Variants in TRPC4 observed in about 807,000 individuals in gnomAD.
TRPC4 encodes transient receptor potential cation channel subfamily C member 4, also known as short transient receptor potential channel 4.
TRPC4 carries 49 observed loss-of-function variants against 99.4 expected under a neutral mutation model. That is an observed-to-expected ratio of 0.49 (90% CI 0.39 to 0.63). TRPC4 has a LOEUF of 0.63. Ranked by LOEUF, TRPC4 falls within the 20% of genes least tolerant of loss-of-function variation. The probability of loss-of-function intolerance (pLI) is 0.00; values close to 1 mark genes in which losing one functional copy is unlikely to be tolerated. For missense variants in TRPC4, 898 were observed against 1,152.9 expected (o/e 0.78, Z 3.20); for synonymous variants, 454 against 425.9 (o/e 1.07, Z -0.81).
chr13:37,778,586 T>A (rs1956765711), intron 2 of TRPC4, among the ~76,000 whole-genome samples: 1 of 152,012 alleles, frequency 6.6e-6, no homozygotes, highest in African/African-American at 2.4e-5. Context: ...AGGTGATTGA[T>A]TAGGTTGATC....
intron 1 of TRPC4, among the ~76,000 whole-genome samples, chr13:37,817,917 CA>C (rs977675926): frequency 6.6e-6 from 1 of 151,614 alleles, no homozygotes; most frequent in African/African-American, 2.4e-5. Context: ...ATGTAATAAT[CA>C]AAACTGTAAA....
At chr13:37,643,352 C>A (rs564561594) in intron 8 of TRPC4, among the ~76,000 whole-genome samples, 14 of 152,186 alleles carry the variant, frequency 9.2e-5, no homozygotes, top group Admixed American at 7.2e-4. Context: ...AGGTGGATTG[C>A]CAAGATCATG....
intron 2 of TRPC4, 21 bp from the exon 3 acceptor site, chr13:37,746,476 G>C: frequency 6.4e-7 from 1 of 1,570,072 alleles, no homozygotes; most frequent in Non-Finnish European, 8.6e-7. Flanking sequence ...AAAAGGCAGA[G>C]GTGATGAATA....
chr13:37,832,913 T>G (rs1417048111), intron 1 of TRPC4, among the ~76,000 whole-genome samples: 1 of 152,192 alleles, frequency 6.6e-6, no homozygotes, highest in Non-Finnish European at 1.5e-5. Flanking sequence ...TGCTAAACTA[T>G]TTTCATGTTA....
At position 37,783,166 on chromosome 13, in the gene TRPC4, T is replaced by A. The variant is rs746976893; in HGVS notation, c.168A>T (p.Glu56Asp). The change falls in exon 2 of 11, where the codon GAA becomes GAT. Residue 56 changes from glutamate to aspartate, a missense_variant. Physicochemically the swap from Glu to Asp is conservative, Grantham distance 45. Coordinates refer to ENST00000379705, the MANE Select transcript of TRPC4 (RefSeq NM_016179.4). The stretch of plus-strand genomic sequence containing the variant: ...AATTAATATTGATTTTAAAATAAAT[T>A]TCAGCTTCCTCTAGGGATTTCTTGA... ...ASVKKSLEEA[E>D]IYFKININCI... 3 of 1,613,606 alleles carry A rather than the reference T, an allele frequency of 1.9e-6. No individual in the cohort carries two copies. The South Asian group carries it at 3.3e-5, about 18-fold the overall frequency.
intron 4 of TRPC4, among the ~76,000 whole-genome samples, chr13:37,690,298 G>C (rs982559913): frequency 1.3e-5 from 2 of 152,104 alleles, no homozygotes; most frequent in African/African-American, 4.8e-5. Context: ...GATTATGTGA[G>C]CCTTTTTAAT....
intron 2 of TRPC4, among the ~76,000 whole-genome samples, chr13:37,780,911 A>T (rs1182531508): frequency 6.6e-5 from 10 of 152,122 alleles, no homozygotes; most frequent in Admixed American, 6.6e-4. Flanking sequence ...ATTCTTGGCC[A>T]GCAGACTGAT....
intron 1 of TRPC4, among the ~76,000 whole-genome samples, chr13:37,791,413 A>G (rs1957115764): frequency 6.6e-6 from 1 of 151,804 alleles, no homozygotes; most frequent in South Asian, 2.1e-4. Flanking sequence ...AAAAAAAAAA[A>G]AAAAAGGATA....
intron 3 of TRPC4, among the ~76,000 whole-genome samples, chr13:37,694,541 T>G (rs1018302686): frequency 6.6e-6 from 1 of 152,182 alleles, no homozygotes; most frequent in African/African-American, 2.4e-5. Flanking sequence ...ACATATATAC[T>G]CTGTAAAATT....
At position 37,688,600 on chromosome 13, in the gene TRPC4, G is replaced by A. The variant is rs1566097456; in HGVS notation, c.1234+3399C>T. 3.3e-5 allele frequency among the ~76,000 whole-genome samples: 5 copies of A among 152,286 alleles called. 1 individual carries two copies. In the South Asian group the frequency reaches 1.0e-3, roughly 32 times the overall value. On this transcript the variant is annotated intron_variant, in intron 4 of 10. Transcript: ENST00000379705. ...AAGTGTTTTGCTAGGATAAACAAAT[G>A]AGAGGTATAAAGTGATCATTTCTCA...
At chr13:37,794,890 T>G (rs768895166) in intron 1 of TRPC4, among the ~76,000 whole-genome samples, 11 of 152,134 alleles carry the variant, frequency 7.2e-5, no homozygotes, top group Admixed American at 5.9e-4. Context: ...ACTGTTCAGA[T>G]AAACACAATT....
chr13:37,826,044 T>C (rs1355622602), intron 1 of TRPC4, among the ~76,000 whole-genome samples: 1 of 138,802 alleles, frequency 7.2e-6, no homozygotes, highest in Non-Finnish European at 1.5e-5. Context: ...TCTTTGTCTC[T>C]TTTGATCTTT....
rs371886826 is a variant in TRPC4 at position 37,665,049 on chromosome 13, A to G, written c.1375-1320T>C. On this transcript the variant is annotated intron_variant, in intron 5 of 10. Coordinates refer to ENST00000379705, the MANE Select transcript of TRPC4 (RefSeq NM_016179.4). ...CGCATAAAATAGCTAATTACTGAAG[A>G]TATAAAAAAAAAAGTTAAGATGTTT... is the stretch of plus-strand genomic sequence containing the variant. 1.4e-4 allele frequency among the ~76,000 whole-genome samples: 22 copies of G among 152,292 alleles called. No homozygotes were observed. In the East Asian group the frequency reaches 4.3e-3, roughly 29 times the overall value.
At chr13:37,673,508 C>A in intron 5 of TRPC4, among the ~76,000 whole-genome samples, 1 of 148,844 alleles carries the variant, frequency 6.7e-6, no homozygotes, top group African/African-American at 2.5e-5. Flanking sequence ...TATTTTGAAA[C>A]TTTTATTTTT....
At chr13:37,779,422 TAA>T (rs34336154) in intron 2 of TRPC4, among the ~76,000 whole-genome samples, 2 of 144,846 alleles carry the variant, frequency 1.4e-5, no homozygotes, top group African/African-American at 5.0e-5. Context: ...CTCTTCTCAT[TAA>T]AAAAAAAAAC....
At chr13:37,639,186 G>A (rs1463549261) in intron 9 of TRPC4, 57 bp from the exon 10 acceptor site, 22 of 1,612,158 alleles carry the variant, frequency 1.4e-5, no homozygotes, top group Non-Finnish European at 1.9e-5. Context: ...ATTTCCTCCT[G>A]AGTCAGTTCT....
intron 3 of TRPC4, among the ~76,000 whole-genome samples, chr13:37,695,122 A>G (rs948346262): frequency 2.0e-5 from 3 of 151,992 alleles, no homozygotes; most frequent in East Asian, 1.9e-4. Flanking sequence ...AATCACTTCA[A>G]TTATCTCTTG....
intron 1 of TRPC4, among the ~76,000 whole-genome samples, chr13:37,814,671 G>A (rs1196701622): frequency 1.3e-5 from 2 of 151,776 alleles, no homozygotes; most frequent in Non-Finnish European, 3.0e-5. Flanking sequence ...GAATGTCATT[G>A]AAGGAAATTA....
At chr13:37,848,834 A>G (rs1408477354) in intron 1 of TRPC4, among the ~76,000 whole-genome samples, 1 of 152,216 alleles carries the variant, frequency 6.6e-6, no homozygotes, top group Non-Finnish European at 1.5e-5. Context: ...TGAAGTTTGA[A>G]AGAATTAAGA....
Sources: allele counts gnomAD v4.1 joint callset (sites outside exome capture counted in the v4.1 genomes callset), GRCh38; gene constraint gnomAD v4.1.1; transcripts MANE v1.5; gene names NCBI Gene and HGNC (gene_info 2026-07-23, HGNC 2026-07-21).